The following FILIP1L variants were observed in gnomAD, a reference collection of about 807,000 sequenced individuals.
FILIP1L encodes the protein filamin A interacting protein 1 like, also known as filamin A-interacting protein 1-like.
In FILIP1L, 55 loss-of-function variants were observed where a neutral mutation model predicts 96.6. That is an observed-to-expected ratio of 0.57 (90% CI 0.46 to 0.71). The LOEUF is 0.71. Among genes scored for constraint, FILIP1L ranks in the 30% least tolerant of loss-of-function variants. The pLI is 0.00. For missense variants in FILIP1L, 1,304 were observed against 1,321.2 expected (o/e 0.99, Z 0.20); for synonymous variants, 467 against 473.9 (o/e 0.99, Z 0.19).
Position 100,029,914 on chromosome 3 carries a change from G to T in FILIP1L, c.-11+84139C>A, listed in dbSNP as rs989035517. Reference sequence around the variant, plus strand: ...TGGAAAGCTGAGATAAAGACCAAGAGATCTTGGAACGTTTAGAAGCAGCCC... The same window carrying T: ...TGGAAAGCTGAGATAAAGACCAAGATATCTTGGAACGTTTAGAAGCAGCCC... On this transcript the variant is annotated intron_variant, in intron 1 of 5. Transcript: ENST00000477258. Among the ~76,000 whole-genome samples the T allele has an allele frequency of 2.0e-5, 3 of 152,154 alleles. No homozygotes were observed. The East Asian group carries it at 5.8e-4, about 29-fold the overall frequency.
At chr3:99,923,892 A>G (rs1264484756) in intron 4 of FILIP1L, among the ~76,000 whole-genome samples, 1 of 152,178 alleles carries the variant, frequency 6.6e-6, no homozygotes, top group South Asian at 2.1e-4. Flanking sequence ...TCTCACTTCT[A>G]TACTAACACA....
At chr3:99,924,548 C>A in intron 3 of FILIP1L, 140 bp from the exon 4 acceptor site, 1 of 844,414 alleles carries the variant, frequency 1.2e-6, no homozygotes, top group Non-Finnish European at 1.9e-6. Context: ...AAACAGTTTT[C>A]GCTGTCGTTG....
In FILIP1L at chr3:100,084,272, C is replaced by T. The variant is rs116834961; in HGVS notation, c.-11+29781G>A. ...GCTCATTTTAAAAGTCCCTTTTAGT[C>T]TCCTACCTGCTATTTTTCACTAGCC... is the stretch of plus-strand genomic sequence containing the variant. On this transcript the variant is annotated intron_variant, in intron 1 of 5. Transcript: ENST00000477258. 3.8e-3 allele frequency among the ~76,000 whole-genome samples: 576 copies of T among 152,220 alleles called. 8 individuals carry two copies. The highest frequency in any genetic ancestry group is 0.013 in the African/African-American group (543 of 41,530).
intron 4 of FILIP1L, among the ~76,000 whole-genome samples, chr3:99,859,280 T>C (rs1214876917): frequency 1.3e-5 from 2 of 152,224 alleles, no homozygotes; most frequent in Admixed American, 6.5e-5. Context: ...AGTTCTTTTT[T>C]CCCCAAAACC....
At chr3:99,987,443 C>G (rs1029986023) in intron 1 of FILIP1L, among the ~76,000 whole-genome samples, 1 of 149,812 alleles carries the variant, frequency 6.7e-6, no homozygotes, top group Admixed American at 6.7e-5. Flanking sequence ...ACAGGAGACT[C>G]TCTTGAACCC....
In FILIP1L at chr3:99,908,702, G is replaced by A. The variant is rs1378819647; in HGVS notation, c.605+15528C>T. 3.3e-5 allele frequency among the ~76,000 whole-genome samples: 5 copies of A among 152,156 alleles called. No homozygotes were observed. In the South Asian group the frequency reaches 1.0e-3, roughly 32 times the overall value. On this transcript the variant is annotated intron_variant, in intron 4 of 5. Coordinates refer to ENST00000477258, the MANE Select transcript of FILIP1L (RefSeq NM_001387850.1). ...ACCTCCTTTAAAAGGTTGTTAGGAG[G>A]ATTAAATGAGATAATCTACTGTGCT...
chr3:99,990,177 A>C (rs897949358), intron 1 of FILIP1L, among the ~76,000 whole-genome samples: 3 of 152,236 alleles, frequency 2.0e-5, no homozygotes, highest in Non-Finnish European at 4.4e-5. Context: ...TGAACAAAAC[A>C]GAAAGGCTAG....
chr3:100,010,778 A>ATTTTTTTTTTTTTTT (rs11371196), intron 1 of FILIP1L, among the ~76,000 whole-genome samples: 8 of 93,666 alleles, frequency 8.5e-5, no homozygotes, highest in Non-Finnish European at 1.2e-4. Context: ...CCACGCCCGG[A>ATTTTTTTTTTTTTTT]TTTTTTTTTT....
At chr3:99,991,836 ATGTGTG>A (rs112596171) in intron 1 of FILIP1L, among the ~76,000 whole-genome samples, 4 of 143,510 alleles carry the variant, frequency 2.8e-5, no homozygotes, top group South Asian at 2.2e-4. Context: ...ATATATATAT[ATGTGTG>A]TGTGTGTGTG....
chr3:100,110,802 G>A (rs1199307593), intron 1 of FILIP1L, among the ~76,000 whole-genome samples: 1 of 152,088 alleles, frequency 6.6e-6, no homozygotes, highest in African/African-American at 2.4e-5. Flanking sequence ...CTTCACAACA[G>A]CCTACTTATG....
At chr3:100,083,560 T>C (rs2065962951) in intron 1 of FILIP1L, among the ~76,000 whole-genome samples, 1 of 152,236 alleles carries the variant, frequency 6.6e-6, no homozygotes, top group South Asian at 2.1e-4. Context: ...TCTGATGCCA[T>C]GAAAAGCAAA....
At chr3:99,833,195 T>A in intron 5 of FILIP1L, 1 of 1,587,880 alleles carries the variant, frequency 6.3e-7, no homozygotes, top group Non-Finnish European at 8.6e-7. Flanking sequence ...ACATGAAGAC[T>A]GGGATTTGGA....
intron 4 of FILIP1L, among the ~76,000 whole-genome samples, chr3:99,908,233 T>C (rs1706683670): frequency 1.3e-5 from 2 of 152,204 alleles, no homozygotes; most frequent in African/African-American, 4.8e-5. Context: ...AATTTGACCT[T>C]TTAGCAAATA....
intron 1 of FILIP1L, among the ~76,000 whole-genome samples, chr3:99,977,505 A>G (rs1332715021): frequency 6.6e-6 from 1 of 152,178 alleles, no homozygotes; most frequent in Non-Finnish European, 1.5e-5. Flanking sequence ...GATAGCCAAT[A>G]TACCTAAATT....
At chr3:99,884,845 T>C (rs1035340002) in intron 4 of FILIP1L, among the ~76,000 whole-genome samples, 1 of 152,250 alleles carries the variant, frequency 6.6e-6, no homozygotes, top group African/African-American at 2.4e-5. Flanking sequence ...GTTCTTGTAC[T>C]TTTGAAGCAG....
chr3:100,026,385 A>T (rs968188378), intron 1 of FILIP1L, among the ~76,000 whole-genome samples: 1 of 152,050 alleles, frequency 6.6e-6, no homozygotes, highest in Non-Finnish European at 1.5e-5. Flanking sequence ...GGCCAGACAT[A>T]AAACAAGGAG....
At chr3:99,833,768 A>G (rs1942782859) in intron 5 of FILIP1L, among the ~76,000 whole-genome samples, 3 of 152,198 alleles carry the variant, frequency 2.0e-5, no homozygotes, top group African/African-American at 7.2e-5. Flanking sequence ...ACCTCTGGTC[A>G]TTTTGATATG....
At chr3:100,066,059 A>C (rs1201159778) in intron 1 of FILIP1L, among the ~76,000 whole-genome samples, 1 of 152,246 alleles carries the variant, frequency 6.6e-6, no homozygotes, top group Non-Finnish European at 1.5e-5. Flanking sequence ...AGCCACTGCT[A>C]TAAGGGATAA....
chr3:99,978,436 T>C (rs1298752326), intron 1 of FILIP1L, among the ~76,000 whole-genome samples: 1 of 152,200 alleles, frequency 6.6e-6, no homozygotes, highest in African/African-American at 2.4e-5. Context: ...ATCTACACAA[T>C]GGAATACTAG....
Sources: allele counts gnomAD v4.1 joint callset (sites outside exome capture counted in the v4.1 genomes callset), GRCh38; gene constraint gnomAD v4.1.1; transcripts MANE v1.5; gene names NCBI Gene and HGNC (gene_info 2026-07-23, HGNC 2026-07-21).